SCHIP1: variants seen among roughly 807,000 people sequenced by gnomAD.
SCHIP1 encodes the protein schwannomin-interacting protein 1.
In SCHIP1, 8 loss-of-function variants were observed where a neutral mutation model predicts 29.7. That is an observed-to-expected ratio of 0.27 (90% CI 0.16 to 0.49). The LOEUF is 0.49. Among genes scored for constraint, SCHIP1 ranks in the 20% least tolerant of loss-of-function variants. SCHIP1 has a pLI of 0.99. For missense variants in SCHIP1, 193 were observed against 294.6 expected (o/e 0.66, Z 2.52); for synonymous variants, 76 against 94.9 (o/e 0.80, Z 1.16).
chr3:159,461,840 T>C, the SCHIP1 span, among the ~76,000 whole-genome samples: 1 of 152,126 alleles, frequency 6.6e-6, no homozygotes, highest in African/African-American at 2.4e-5. Flanking sequence ...TACACGTTCA[T>C]TGTGGAAAAA....
the SCHIP1 span, among the ~76,000 whole-genome samples, chr3:159,316,033 C>T: frequency 1.1e-4 from 17 of 152,060 alleles, no homozygotes; most frequent in Non-Finnish European, 1.6e-4. Flanking sequence ...CACATCAGAC[C>T]GTGAGACTAA....
At chr3:159,795,355 T>A in the SCHIP1 span, among the ~76,000 whole-genome samples, 1 of 152,234 alleles carries the variant, frequency 6.6e-6, no homozygotes, top group African/African-American at 2.4e-5. Flanking sequence ...ACTCACTAGC[T>A]ATGTGATCTT....
At chr3:159,574,390 T>C in the SCHIP1 span, among the ~76,000 whole-genome samples, 3 of 152,180 alleles carry the variant, frequency 2.0e-5, no homozygotes, top group African/African-American at 4.8e-5. Context: ...CTGTTGGAGT[T>C]TGTTGGAGGT....
chr3:159,672,527 G>A, the SCHIP1 span, among the ~76,000 whole-genome samples: 4 of 152,142 alleles, frequency 2.6e-5, no homozygotes, highest in Non-Finnish European at 4.4e-5. Context: ...CTTAACTGGA[G>A]CAATTTTGCG....
chr3:159,851,495 A>G (rs1282148212), intron 1 of SCHIP1, among the ~76,000 whole-genome samples: 2 of 152,200 alleles, frequency 1.3e-5, no homozygotes, highest in Non-Finnish European at 2.9e-5. Flanking sequence ...AGGATTAAAG[A>G]CATATGTAGG....
At chr3:159,366,225 T>A in the SCHIP1 span, among the ~76,000 whole-genome samples, 2 of 151,784 alleles carry the variant, frequency 1.3e-5, no homozygotes. Context: ...AATGACCAGA[T>A]CTGGTATGAA....
At chr3:159,562,446 G>A in the SCHIP1 span, among the ~76,000 whole-genome samples, 1 of 152,160 alleles carries the variant, frequency 6.6e-6, no homozygotes, top group Non-Finnish European at 1.5e-5. Flanking sequence ...TTCAGGGAGG[G>A]AGGTACCAAC....
chr3:159,401,444 T>C, the SCHIP1 span: 1 of 757,976 alleles, frequency 1.3e-6, no homozygotes, highest in Non-Finnish European at 1.6e-6. Context: ...TTTTTTACCC[T>C]CTCGTTATAT....
the SCHIP1 span, among the ~76,000 whole-genome samples, chr3:159,725,672 G>A: frequency 1.3e-5 from 2 of 152,302 alleles, no homozygotes; most frequent in South Asian, 2.1e-4. Flanking sequence ...AGAAGAAAAA[G>A]GTGTGGTGAG....
At chr3:159,846,592 A>G (rs1711872361) in intron 1 of SCHIP1, among the ~76,000 whole-genome samples, 1 of 152,220 alleles carries the variant, frequency 6.6e-6, no homozygotes, top group African/African-American at 2.4e-5. Flanking sequence ...CAGCAGGGAA[A>G]AAGATATTAG....
chr3:159,889,908 A>G lies in SCHIP1; in HGVS notation c.589+965A>G, dbSNP rs142276148. 9.5e-3 allele frequency among the ~76,000 whole-genome samples: 1,441 copies of G among 152,266 alleles called. 26 individuals carry two copies. Among genetic ancestry groups the G allele is most frequent in the African/African-American group, 0.033 (1,369 of 41,538 alleles). Reference sequence around the variant, plus strand: ...TCAGGAGATCGAGACCATCCTGGCTAACATGGTGAAACCCCATCTCTATTA... The same window carrying G: ...TCAGGAGATCGAGACCATCCTGGCTGACATGGTGAAACCCCATCTCTATTA... On this transcript the variant is annotated intron_variant, in intron 5 of 6. Transcript: ENST00000445224.
chr3:159,414,750 G>T, the SCHIP1 span, among the ~76,000 whole-genome samples: 1 of 152,140 alleles, frequency 6.6e-6, no homozygotes. Context: ...GGGTTGGAGG[G>T]CAGGGATGGT....
chr3:159,286,893 TC>T, the SCHIP1 span, among the ~76,000 whole-genome samples: 1 of 152,218 alleles, frequency 6.6e-6, no homozygotes, highest in Non-Finnish European at 1.5e-5. Flanking sequence ...TCTGTTCATG[TC>T]CTTTGCCCAC....
chr3:159,613,257 G>C, the SCHIP1 span, among the ~76,000 whole-genome samples: 2 of 152,176 alleles, frequency 1.3e-5, no homozygotes, highest in Non-Finnish European at 2.9e-5. Flanking sequence ...AATTGAGTCT[G>C]AGGTTTAAGT....
At position 159,884,724 on chromosome 3, in the gene SCHIP1, T is replaced by C. The variant is rs537696654; in HGVS notation, c.150-1483T>C. ...GCTACTATTCAACCCATTTTATCGA[T>C]GAGGAAAACTGAGGGTCATAGAGCT... On this transcript the variant is annotated intron_variant, in intron 2 of 6. Transcript: ENST00000445224. Among the ~76,000 whole-genome samples the C allele has an allele frequency of 3.9e-5, 6 of 152,304 alleles. No homozygotes were observed. The South Asian group carries it at 1.2e-3, about 32-fold the overall frequency.
the SCHIP1 span, among the ~76,000 whole-genome samples, chr3:159,361,158 GGTAT>G: frequency 4.6e-5 from 7 of 152,152 alleles, no homozygotes; most frequent in South Asian, 1.0e-3. Flanking sequence ...TAAATTGCAT[GGTAT>G]GTTAGAAAGT....
At chr3:159,587,220 T>C in the SCHIP1 span, among the ~76,000 whole-genome samples, 1 of 152,190 alleles carries the variant, frequency 6.6e-6, no homozygotes, top group Admixed American at 6.5e-5. Context: ...TGATGCACAA[T>C]CAAGTTTAAG....
At chr3:159,645,103 T>A in the SCHIP1 span, among the ~76,000 whole-genome samples, 2 of 152,166 alleles carry the variant, frequency 1.3e-5, no homozygotes, top group African/African-American at 2.4e-5. Context: ...ATCTAATAAA[T>A]CATTATTCCA....
chr3:159,728,002 GTTT>G, the SCHIP1 span, among the ~76,000 whole-genome samples: 1 of 125,096 alleles, frequency 8.0e-6, no homozygotes, highest in East Asian at 2.3e-4. Context: ...TCCTGTTTTT[GTTT>G]TTTTTTTTTT....
Sources: allele counts gnomAD v4.1 joint callset (sites outside exome capture counted in the v4.1 genomes callset), GRCh38; gene constraint gnomAD v4.1.1; transcripts MANE v1.5; gene names NCBI Gene and HGNC (gene_info 2026-07-23, HGNC 2026-07-21).